The following CSN1S1 variants were observed in gnomAD, a reference collection of about 807,000 sequenced individuals.
The protein encoded by CSN1S1 is casein alpha s1, also known as alpha-S1-casein.
In CSN1S1, 63 loss-of-function variants were observed where a neutral mutation model predicts 49.1. The ratio of observed to expected loss-of-function variants is 1.28; its 90% CI spans 1.05 to 1.58. CSN1S1 has a LOEUF of 1.58. CSN1S1 is among the 40% of genes most tolerant of loss of function. The probability of loss-of-function intolerance (pLI) is 0.00; values close to 1 mark genes in which losing one functional copy is unlikely to be tolerated. For synonymous variants in CSN1S1, 78 were observed against 67.1 expected (o/e 1.16, Z -0.79); for missense variants, 260 against 224.7 (o/e 1.16, Z -1.01).
At chr4:69,936,071 C>T in intron 5 of CSN1S1, 122 bp downstream of exon 5, 1 of 758,838 alleles carries the variant, frequency 1.3e-6, no homozygotes, top group South Asian at 1.8e-5. Flanking sequence ...TTGAGTGGAA[C>T]AAACTTAAAA....
chr4:69,944,843 C>T lies in CSN1S1; in HGVS notation c.403-7C>T. On this transcript the variant is annotated splice_region_variant and splice_polypyrimidine_tract_variant and intron_variant, in intron 14 of 15. Coordinates refer to ENST00000246891, the MANE Select transcript of CSN1S1 (RefSeq NM_001890.2). ...CACTGTTGCTTTTCAAATGTTTTTC[C>T]CTCTAGCCTTTCCAGCAGCTCAACC... is the stretch of plus-strand genomic sequence containing the variant. The T allele has an allele frequency of 6.2e-7, 1 of 1,610,986 alleles. No homozygotes were observed. The highest frequency in any genetic ancestry group is 1.1e-5 in the South Asian group (1 of 90,772).
At position 69,940,032 on chromosome 4, in the gene CSN1S1, C is replaced by A; in HGVS notation, c.288C>A (p.Leu96=). 1 of 1,401,764 alleles carries A rather than the reference C, an allele frequency of 7.1e-7. No individual in the cohort carries two copies. Among genetic ancestry groups the A allele is most frequent in the Admixed American group, 2.4e-5 (1 of 41,352 alleles). 86.8% of individuals were successfully genotyped at this position (1,401,764 alleles called of 1,614,324 possible). A position where few individuals can be genotyped will look rare whatever the true frequency, so the allele number is the denominator to read the frequency against. Residue 96 remains leucine, a synonymous_variant, in exon 11 of 16, where the codon CTC becomes CTA. Coordinates refer to ENST00000246891, the MANE Select transcript of CSN1S1 (RefSeq NM_001890.2). ...TAATTTTTTTAAAGGAAATGTCTCT[C>A]AGTAAGTGTGCGGTAAGACATATTT... The part of the protein sequence containing the change: ...SISSSSEEMS[L]SKCAEQFCRL...
rs202033476 is a variant in CSN1S1 at position 69,944,856 on chromosome 4, C to T, written c.409C>T (p.Gln137Ter). The T allele has an allele frequency of 1.2e-6, 2 of 1,612,438 alleles. No homozygotes were observed. The highest frequency in any genetic ancestry group is 1.7e-5 in the Admixed American group (1 of 59,914). ...CAAATGTTTTTCCCTCTAGCCTTTC[C>T]AGCAGCTCAACCAACTTGCTGCCTA... The part of the protein sequence containing the change: ...NENSHVQVPF[Q>*]QLNQLAAYPY... The change falls in exon 15 of 16, where the codon CAG (glutamine) becomes TAG (stop). Residue 137 changes from glutamine to a stop codon, truncating the protein, a stop_gained. Coordinates refer to ENST00000246891, the MANE Select transcript of CSN1S1 (RefSeq NM_001890.2). LOFTEE classifies it high-confidence loss of function.
In CSN1S1 at chr4:69,941,013, A is replaced by T; in HGVS notation, c.301-6A>T. 1 of 1,483,908 alleles carries T rather than the reference A, an allele frequency of 6.7e-7. No homozygotes were observed. The highest frequency in any genetic ancestry group is 1.2e-5 in the South Asian group (1 of 80,548). 91.9% of individuals were successfully genotyped at this position (1,483,908 alleles called of 1,614,324 possible). A position where few individuals can be genotyped will look rare whatever the true frequency, so the allele number is the denominator to read the frequency against. Reference sequence around the variant, plus strand: ...AGCAATTGAGAATATTTTTCTTTTTAAATAGGAACAGTTTTGTAGACTGAA... The same window carrying T: ...AGCAATTGAGAATATTTTTCTTTTTTAATAGGAACAGTTTTGTAGACTGAA... On this transcript the variant is annotated splice_region_variant and splice_polypyrimidine_tract_variant and intron_variant, in intron 11 of 15. Coordinates refer to ENST00000246891, the MANE Select transcript of CSN1S1 (RefSeq NM_001890.2).
At chr4:69,931,372 T>G (rs533254820) in intron 1 of CSN1S1, among the ~76,000 whole-genome samples, 2 of 152,116 alleles carry the variant, frequency 1.3e-5, no homozygotes, top group South Asian at 4.1e-4. Context: ...ATTTTTAAAG[T>G]TGATACATAA....
chr4:69,934,792 C>A lies in CSN1S1; in HGVS notation c.105+82C>A, dbSNP rs544807074. On this transcript the variant is annotated intron_variant, in intron 4 of 15. Transcript: ENST00000246891. ...AGCTGTCATGCATGTTGAATGTCTT[C>A]TTCTTTACAATTTTTATTTCCCTTC... is the stretch of plus-strand genomic sequence containing the variant. 73 of 1,236,534 alleles carry A rather than the reference C, an allele frequency of 5.9e-5. 1 individual carries two copies. The African/African-American group carries it at 6.9e-4, about 12-fold the overall frequency. The allele number at this position is 1,236,534 out of a possible 1,614,324, so 76.6% of individuals were successfully genotyped here. A position where few individuals can be genotyped will look rare whatever the true frequency, so the allele number is the denominator to read the frequency against.
At chr4:69,939,427 A>C (rs1722905235) in intron 10 of CSN1S1, among the ~76,000 whole-genome samples, 1 of 151,734 alleles carries the variant, frequency 6.6e-6, no homozygotes, top group South Asian at 2.1e-4. Context: ...AAACAATCTT[A>C]TCTGGCCATC....
chr4:69,932,301 G>A (rs971528534), intron 1 of CSN1S1, among the ~76,000 whole-genome samples: 3 of 151,928 alleles, frequency 2.0e-5, no homozygotes, highest in South Asian at 2.1e-4. Flanking sequence ...GAAGAAAAAT[G>A]TTTGTAAGAA....
intron 9 of CSN1S1, 96 bp downstream of exon 9, chr4:69,937,919 G>T: frequency 1.3e-6 from 1 of 767,794 alleles, no homozygotes; most frequent in Non-Finnish European, 2.0e-6. Context: ...CTGAAATTAA[G>T]CAAAATAAGA....
intron 2 of CSN1S1, among the ~76,000 whole-genome samples, chr4:69,933,226 G>C (rs143655339): frequency 1.3e-5 from 2 of 151,936 alleles, no homozygotes; most frequent in African/African-American, 4.8e-5. Flanking sequence ...ATATCAATTA[G>C]ATAAGTATGT....
chr4:69,936,166 A>G (rs981613732), intron 5 of CSN1S1, among the ~76,000 whole-genome samples: 3 of 152,054 alleles, frequency 2.0e-5, no homozygotes, highest in Non-Finnish European at 2.9e-5. Context: ...ATGATACAAT[A>G]AGGAATATTA....
intron 8 of CSN1S1, 91 bp downstream of exon 8, chr4:69,937,235 C>G: frequency 1.1e-6 from 1 of 948,680 alleles, no homozygotes; most frequent in Non-Finnish European, 1.6e-6. Context: ...TAAATAAAAA[C>G]TATGGCAGAT....
At chr4:69,945,678 C>T (rs747054242) in intron 15 of CSN1S1, among the ~76,000 whole-genome samples, 4 of 151,922 alleles carry the variant, frequency 2.6e-5, no homozygotes, top group Non-Finnish European at 5.9e-5. Context: ...ACAGTTAGGG[C>T]CCTTGGTAAG....
Position 69,939,223 on chromosome 4 carries a change from T to C in CSN1S1, c.276+15T>C, listed in dbSNP as rs1402090130. On this transcript the variant is annotated intron_variant, in intron 10 of 15. Transcript: ENST00000246891. ...CATCGAGTGAGGTAAATAATTTTGA[T>C]ATTAATTCTGTGTCCCAACTAATTT... is the stretch of plus-strand genomic sequence containing the variant. The C allele has an allele frequency of 1.3e-6, 2 of 1,577,940 alleles. No individual in the cohort carries two copies. Among genetic ancestry groups the C allele is most frequent in the Admixed American group, 1.7e-5 (1 of 58,462 alleles).
chr4:69,939,076 T>G (rs985063721), intron 9 of CSN1S1, 100 bp from the exon 10 acceptor site: 1 of 809,092 alleles, frequency 1.2e-6, no homozygotes, highest in Non-Finnish European at 2.0e-6. Flanking sequence ...TCAGTTATAA[T>G]GTTACCATGG....
intron 9 of CSN1S1, among the ~76,000 whole-genome samples, chr4:69,938,102 T>G (rs1047975018): frequency 6.6e-6 from 1 of 151,776 alleles, no homozygotes. Context: ...AGTAAAAAAA[T>G]GCTTATTCAT....
intron 14 of CSN1S1, among the ~76,000 whole-genome samples, chr4:69,943,163 ATATTATTATTAT>A (rs3078677): frequency 0.21 from 30,762 of 144,642 alleles, 3,910 homozygotes; most frequent in South Asian, 0.34. Flanking sequence ...TTCCATGTGA[ATATTATTATTAT>A]TATTATTATT....
rs542847021 is a variant in CSN1S1, at chr4:69,939,254, A to G, written c.276+46A>G. 1.1e-4 allele frequency: 163 copies of G among 1,432,276 alleles called. 1 individual carries two copies. The East Asian group carries it at 3.3e-3, about 29-fold the overall frequency. The allele number at this position is 1,432,276 out of a possible 1,614,324, so 88.7% of individuals were successfully genotyped here. A position where few individuals can be genotyped will look rare whatever the true frequency, so the allele number is the denominator to read the frequency against. On this transcript the variant is annotated intron_variant, in intron 10 of 15. Coordinates refer to ENST00000246891, the MANE Select transcript of CSN1S1 (RefSeq NM_001890.2). ...TTCTGTGTCCCAACTAATTTAAAAA[A>G]TTATGAAAACTTGTACCGTGAGGAT... is the stretch of plus-strand genomic sequence containing the variant.
intron 1 of CSN1S1, among the ~76,000 whole-genome samples, chr4:69,931,328 A>T (rs182440797): frequency 6.6e-6 from 1 of 152,010 alleles, no homozygotes; most frequent in African/African-American, 2.4e-5. Flanking sequence ...TAAAAATACC[A>T]AATCATTTTT....
Sources: allele counts gnomAD v4.1 joint callset (sites outside exome capture counted in the v4.1 genomes callset), GRCh38; gene constraint gnomAD v4.1.1; transcripts MANE v1.5; gene names NCBI Gene and HGNC (gene_info 2026-07-23, HGNC 2026-07-21).